DCLK1: variants seen among roughly 807,000 people sequenced by gnomAD.
DCLK1 encodes doublecortin like kinase 1, also known as serine/threonine-protein kinase DCLK1.
Under a neutral mutation model 86.2 loss-of-function variants are expected in DCLK1, and 16 were observed. The ratio of observed to expected loss-of-function variants is 0.19; its 90% CI spans 0.13 to 0.28. DCLK1 has a LOEUF of 0.28. Ranked by LOEUF, DCLK1 falls within the 10% of genes least tolerant of loss-of-function variation. DCLK1 has a pLI of 1.00. For synonymous variants in DCLK1, 369 were observed against 370.5 expected, an observed-to-expected ratio of 1.00 and a Z score of 0.05; for missense variants, 590 against 940.2, an observed-to-expected ratio of 0.63 and a Z score of 4.87.
At chr13:36,028,003 T>C (rs1404657496) in intron 3 of DCLK1, among the ~76,000 whole-genome samples, 1 of 152,232 alleles carries the variant, frequency 6.6e-6, no homozygotes, top group Non-Finnish European at 1.5e-5. Context: ...GTGCTGTGAT[T>C]GCAGGAGTGA....
intron 4 of DCLK1, among the ~76,000 whole-genome samples, chr13:35,932,401 A>G (rs948527635): frequency 6.6e-6 from 1 of 151,982 alleles, no homozygotes; most frequent in Non-Finnish European, 1.5e-5. Context: ...CCTTATAAGT[A>G]TATCTTTCGT....
chr13:35,980,062 T>A (rs1001532838), intron 3 of DCLK1, among the ~76,000 whole-genome samples: 1 of 152,226 alleles, frequency 6.6e-6, no homozygotes, highest in Non-Finnish European at 1.5e-5. Context: ...GTGTACAGTT[T>A]AGCAGTGCTA....
At chr13:35,948,890 G>T (rs1877522239) in intron 3 of DCLK1, among the ~76,000 whole-genome samples, 2 of 152,084 alleles carry the variant, frequency 1.3e-5, no homozygotes, top group African/African-American at 4.8e-5. Context: ...TGGTTTAAAA[G>T]CAGACCATTT....
Position 35,827,664 on chromosome 13 carries a change from C to G in DCLK1, c.1378G>C (p.Glu460Gln). The part of the protein sequence containing the change: ...LLIEEMDVPT[E>Q]LYLVMELVKG... ...ACTAATTCCATGACAAGATACAGTTCAGTTGGCACATCCATCTCCTCAATC... is the reference window on the plus strand; with the variant it reads ...ACTAATTCCATGACAAGATACAGTTGAGTTGGCACATCCATCTCCTCAATC... The change falls in exon 10 of 17, where the codon GAA (glutamate) becomes CAA (glutamine). Residue 460 changes from glutamate (E) to glutamine (Q), a missense_variant. By Grantham distance (29) the Glu-to-Gln change is conservative (BLOSUM62 2). Transcript: ENST00000360631. 2 of 1,614,024 alleles carry G rather than the reference C, an allele frequency of 1.2e-6. No individual in the cohort carries two copies. The highest frequency in any genetic ancestry group is 1.7e-6 in the Non-Finnish European group (2 of 1,179,994).
chr13:36,077,355 A>G (rs1436850493), intron 3 of DCLK1, among the ~76,000 whole-genome samples: 1 of 152,174 alleles, frequency 6.6e-6, no homozygotes, highest in Non-Finnish European at 1.5e-5. Context: ...TGGATTCAAA[A>G]AGTTCTCAGA....
At chr13:36,016,837 G>T (rs2153149537) in intron 3 of DCLK1, among the ~76,000 whole-genome samples, 1 of 152,192 alleles carries the variant, frequency 6.6e-6, no homozygotes, top group Admixed American at 6.5e-5. Flanking sequence ...AAAAATTATT[G>T]AAATATTTTA....
At chr13:36,108,286 A>G (rs1041297100) in intron 3 of DCLK1, among the ~76,000 whole-genome samples, 2 of 152,336 alleles carry the variant, frequency 1.3e-5, no homozygotes, top group Admixed American at 6.5e-5. Context: ...TTGCTCACAC[A>G]TAGGCTGCTT....
intron 3 of DCLK1, among the ~76,000 whole-genome samples, chr13:36,081,229 T>C (rs1028399956): frequency 3.9e-5 from 6 of 152,174 alleles, no homozygotes; most frequent in Non-Finnish European, 7.3e-5. Context: ...GAATTCAATT[T>C]GACTCAAGTA....
chr13:35,897,725 T>C (rs1874088173), intron 4 of DCLK1, among the ~76,000 whole-genome samples: 1 of 152,156 alleles, frequency 6.6e-6, no homozygotes, highest in African/African-American at 2.4e-5. Context: ...AAGCAAAGCA[T>C]AAACATTTTA....
intron 3 of DCLK1, among the ~76,000 whole-genome samples, chr13:36,016,630 G>A (rs1299177913): frequency 6.6e-6 from 1 of 152,174 alleles, no homozygotes; most frequent in Non-Finnish European, 1.5e-5. Flanking sequence ...GACCCCATGA[G>A]TTTTTATCAT....
At chr13:35,849,003 T>C in intron 6 of DCLK1, 2 of 985,338 alleles carry the variant, frequency 2.0e-6, no homozygotes, top group Non-Finnish European at 2.4e-6. Context: ...CAGGTATTAT[T>C]ATGAACTGTT....
rs1381767657 is a variant in DCLK1, at chr13:35,947,241, G to A, written c.823+117C>T. 1.3e-5 allele frequency: 8 copies of A among 637,278 alleles called. No individual in the cohort carries two copies. In the Admixed American group the frequency reaches 2.3e-4, roughly 19 times the overall value. 39.5% of individuals were successfully genotyped at this position (637,278 alleles called of 1,614,324 possible). A position where few individuals can be genotyped will look rare whatever the true frequency, so the allele number is the denominator to read the frequency against. The stretch of plus-strand genomic sequence containing the variant: ...TCCAAGATATGGAAAAGACACGCTG[G>A]GTGAGGATCTGAAACTGATTTGGTA... On this transcript the variant is annotated intron_variant, in intron 4 of 16. Transcript: ENST00000360631.
chr13:35,853,076 G>A (rs962089441), intron 6 of DCLK1, among the ~76,000 whole-genome samples: 18 of 152,132 alleles, frequency 1.2e-4, no homozygotes, highest in Non-Finnish European at 1.9e-4. Flanking sequence ...AAGAATGACC[G>A]ACCAGCTCTT....
intron 3 of DCLK1, among the ~76,000 whole-genome samples, chr13:36,003,649 TC>T (rs1880820423): frequency 6.6e-6 from 1 of 152,104 alleles, no homozygotes; most frequent in African/African-American, 2.4e-5. Context: ...ATACAGCCTA[TC>T]AAAATTATAT....
At chr13:35,892,459 T>C (rs1433389117) in intron 4 of DCLK1, among the ~76,000 whole-genome samples, 1 of 149,500 alleles carries the variant, frequency 6.7e-6, no homozygotes, top group Non-Finnish European at 1.5e-5. Context: ...GAATCATCTT[T>C]AACACACATA....
intron 4 of DCLK1, among the ~76,000 whole-genome samples, chr13:35,924,706 G>T (rs1267791259): frequency 6.6e-6 from 1 of 152,144 alleles, no homozygotes; most frequent in African/African-American, 2.4e-5. Context: ...TTCTGCACAT[G>T]AATATTTATT....
At chr13:35,956,844 T>C (rs535453497) in intron 3 of DCLK1, among the ~76,000 whole-genome samples, 8 of 152,224 alleles carry the variant, frequency 5.3e-5, no homozygotes, top group Non-Finnish European at 8.8e-5. Context: ...AGAATTGTTG[T>C]AAATTTAACA....
chr13:35,833,568 G>C (rs1869129796), intron 8 of DCLK1, among the ~76,000 whole-genome samples: 2 of 152,190 alleles, frequency 1.3e-5, no homozygotes, highest in African/African-American at 4.8e-5. Flanking sequence ...AGCTGCCAAA[G>C]ACTATGCCGG....
intron 3 of DCLK1, among the ~76,000 whole-genome samples, chr13:36,050,891 A>G (rs2153157116): frequency 6.6e-6 from 1 of 152,258 alleles, no homozygotes; most frequent in Admixed American, 6.5e-5. Flanking sequence ...CAGTTCAGAA[A>G]CCAGTCAGGA....
Sources: gnomAD v4.1 joint callset for allele counts (sites outside exome capture counted in the v4.1 genomes callset) on GRCh38, gnomAD v4.1.1 for gene constraint, MANE v1.5 for transcripts, NCBI Gene and HGNC (gene_info 2026-07-23, HGNC 2026-07-21) for gene names.